The following CRACDL variants were observed in gnomAD, a reference collection of about 807,000 sequenced individuals.
CRACDL encodes the protein CRACD-like protein.
In CRACDL, 26 loss-of-function variants were observed where a neutral mutation model predicts 70.6. The ratio of observed to expected loss-of-function variants is 0.37; its 90% CI spans 0.27 to 0.51. The LOEUF is 0.51. CRACDL is among the 20% of genes least tolerant of loss of function. The probability of loss-of-function intolerance (pLI) is 0.94; values close to 1 mark genes in which losing one functional copy is unlikely to be tolerated. For synonymous variants in CRACDL, 618 were observed against 615.2 expected, an observed-to-expected ratio of 1.00 and a Z score of -0.07; for missense variants, 1,283 against 1,376.9, an observed-to-expected ratio of 0.93 and a Z score of 1.08.
At chr2:98,932,180 C>T (rs1709094815) in intron 1 of CRACDL, among the ~76,000 whole-genome samples, 1 of 152,196 alleles carries the variant, frequency 6.6e-6, no homozygotes, top group Non-Finnish European at 1.5e-5. Flanking sequence ...TTGCAGGTAT[C>T]TAGACAACAG....
In CRACDL at chr2:98,810,029, C is replaced by A. The variant is rs899050227; in HGVS notation, c.2416+11828G>T. On this transcript the variant is annotated intron_variant, in intron 7 of 9. Coordinates refer to ENST00000397899, the MANE Select transcript of CRACDL (RefSeq NM_207362.3). ...CACTCTTCAGTCTTACCACCCAGCC[C>A]CTGCCTTGCTCCCTCCCTCATCCCA... Among the ~76,000 whole-genome samples the A allele has an allele frequency of 2.0e-5, 3 of 152,320 alleles. No homozygotes were observed. The South Asian group carries it at 6.2e-4, about 32-fold the overall frequency.
At chr2:98,889,289 A>G (rs745692206) in intron 1 of CRACDL, among the ~76,000 whole-genome samples, 6 of 22,072 alleles carry the variant, frequency 2.7e-4, no homozygotes, top group African/African-American at 8.0e-4. Flanking sequence ...AAGAGAGAGA[A>G]AGAAAGAAAG....
intron 7 of CRACDL, 82 bp from the exon 8 acceptor site, chr2:98,797,619 A>G (rs900305941): frequency 3.3e-5 from 44 of 1,344,516 alleles, no homozygotes; most frequent in Non-Finnish European, 4.6e-5. Flanking sequence ...CACAGAGAAC[A>G]CTACTGCTTT....
chr2:98,903,859 CAT>C (rs1169878121), intron 1 of CRACDL, among the ~76,000 whole-genome samples: 4 of 152,256 alleles, frequency 2.6e-5, no homozygotes, highest in East Asian at 3.8e-4. Flanking sequence ...CGTGCATACA[CAT>C]GAGTGTGGTC....
At chr2:98,839,372 A>G (rs530101180) in intron 2 of CRACDL, among the ~76,000 whole-genome samples, 89 of 152,326 alleles carry the variant, frequency 5.8e-4, no homozygotes, top group South Asian at 3.7e-3. Context: ...TAATCGTAAA[A>G]AATGTTTATG....
At chr2:98,810,927 T>C (rs970158061) in intron 7 of CRACDL, among the ~76,000 whole-genome samples, 2 of 150,488 alleles carry the variant, frequency 1.3e-5, no homozygotes, top group East Asian at 1.9e-4. Context: ...ACACATACAG[T>C]GTAACCCTTA....
intron 2 of CRACDL, among the ~76,000 whole-genome samples, chr2:98,839,461 C>T (rs922763729): frequency 5.9e-5 from 9 of 152,232 alleles, no homozygotes; most frequent in African/African-American, 2.2e-4. Flanking sequence ...TCAGGACACC[C>T]TGTGGCTTTT....
At chr2:98,856,185 A>C (rs1706690437) in intron 1 of CRACDL, among the ~76,000 whole-genome samples, 6 of 152,240 alleles carry the variant, frequency 3.9e-5, no homozygotes, top group Admixed American at 3.3e-4. Context: ...AAAATGTGAA[A>C]GCTAAAGATA....
chr2:98,933,152 C>A (rs964581997), intron 1 of CRACDL, among the ~76,000 whole-genome samples: 2 of 152,172 alleles, frequency 1.3e-5, no homozygotes, highest in Non-Finnish European at 2.9e-5. Context: ...GCCAGGTCCC[C>A]GCTGTGGCTC....
At chr2:98,898,968 C>A (rs777131392) in intron 1 of CRACDL, among the ~76,000 whole-genome samples, 3 of 152,214 alleles carry the variant, frequency 2.0e-5, no homozygotes, top group Non-Finnish European at 4.4e-5. Context: ...TTCACAGCCT[C>A]TTTTTGTTGT....
chr2:98,795,077 A>ATATATTTTTTTTTTTTTT, intron 9 of CRACDL, among the ~76,000 whole-genome samples: 6 of 58,506 alleles, frequency 1.0e-4, no homozygotes, highest in Non-Finnish European at 1.6e-4. Context: ...ATATATATAT[A>ATATATTTTTTTTTTTTTT]TTTTTTTTTT....
intron 6 of CRACDL, among the ~76,000 whole-genome samples, 162 bp downstream of exon 6, chr2:98,826,813 A>C (rs1363472664): frequency 6.6e-6 from 1 of 151,264 alleles, no homozygotes; most frequent in Non-Finnish European, 1.5e-5. Context: ...TATGTTTAAA[A>C]AGATGAGCAA....
chr2:98,872,752 T>C (rs1707383510), intron 1 of CRACDL, among the ~76,000 whole-genome samples: 1 of 152,246 alleles, frequency 6.6e-6, no homozygotes, highest in Non-Finnish European at 1.5e-5. Context: ...CCCGTGGACC[T>C]TCCTTTGATG....
chr2:98,871,557 C>CTG (rs1707346690), intron 1 of CRACDL, among the ~76,000 whole-genome samples: 1 of 152,218 alleles, frequency 6.6e-6, no homozygotes, highest in Admixed American at 6.5e-5. Flanking sequence ...TCCCAAGAAA[C>CTG]CCTGGCAAGG....
At chr2:98,911,302 T>C (rs901940663) in intron 1 of CRACDL, among the ~76,000 whole-genome samples, 1 of 151,846 alleles carries the variant, frequency 6.6e-6, no homozygotes, top group Non-Finnish European at 1.5e-5. Flanking sequence ...AGTGGGAGGG[T>C]TTCTCCAGAT....
Position 98,861,451 on chromosome 2 carries a change from G to A in CRACDL, c.-10-14641C>T, listed in dbSNP as rs557475399. The stretch of plus-strand genomic sequence containing the variant: ...ATAACAAGCGTTGCAAGGATGTGAG[G>A]AAACTGGAGCCTTCATTCATTGCTG... On this transcript the variant is annotated intron_variant, in intron 1 of 9. Transcript: ENST00000397899. Among the ~76,000 whole-genome samples the A allele has an allele frequency of 9.2e-5, 14 of 152,322 alleles. No homozygotes were observed. The East Asian group carries it at 1.9e-3, about 21-fold the overall frequency.
chr2:98,904,646 ATTTATTTC>A (rs1466629581), intron 1 of CRACDL, among the ~76,000 whole-genome samples: 1 of 152,196 alleles, frequency 6.6e-6, no homozygotes, highest in Admixed American at 6.5e-5. Context: ...GCCACCTTTA[ATTTATTTC>A]GTTTCATTCA....
chr2:98,921,035 A>T (rs980079403), intron 1 of CRACDL, among the ~76,000 whole-genome samples: 19 of 152,354 alleles, frequency 1.2e-4, no homozygotes, highest in Admixed American at 1.2e-3. Flanking sequence ...GGTGCATGCC[A>T]GCCCTGCTCA....
chr2:98,861,604 T>C (rs1397753627), intron 1 of CRACDL, among the ~76,000 whole-genome samples: 7 of 152,070 alleles, frequency 4.6e-5, no homozygotes, highest in Admixed American at 2.6e-4. Context: ...TAAAAACATA[T>C]GTCCATGAAA....
Sources: allele counts gnomAD v4.1 joint callset (sites outside exome capture counted in the v4.1 genomes callset), GRCh38; gene constraint gnomAD v4.1.1; transcripts MANE v1.5; gene names NCBI Gene and HGNC (gene_info 2026-07-23, HGNC 2026-07-21).